CTTN: variants seen among roughly 807,000 people sequenced by gnomAD.
The protein encoded by CTTN is src substrate cortactin.
CTTN carries 28 observed loss-of-function variants against 84.0 expected under a neutral mutation model. The observed-to-expected ratio is 0.33, with a 90% CI of 0.25 to 0.46. CTTN has a LOEUF of 0.46. CTTN is among the 20% of genes least tolerant of loss of function. The pLI is 1.00. For missense variants in CTTN, 641 were observed against 723.8 expected, an observed-to-expected ratio of 0.89 and a Z score of 1.31; for synonymous variants, 301 against 288.8, an observed-to-expected ratio of 1.04 and a Z score of -0.43.
chr11:70,428,253 C>T (rs985283039), intron 13 of CTTN, among the ~76,000 whole-genome samples: 1 of 149,922 alleles, frequency 6.7e-6, no homozygotes, highest in African/African-American at 2.5e-5. Flanking sequence ...GCAACCCCTG[C>T]CTCCCAGGTT....
chr11:70,412,716 C>T (rs1409467464), intron 5 of CTTN, among the ~76,000 whole-genome samples: 2 of 152,192 alleles, frequency 1.3e-5, no homozygotes, highest in East Asian at 3.9e-4. Context: ...AGGCTTCCTT[C>T]TTGATCCCTT....
rs1453550089 is a variant in CTTN at position 70,407,347 on chromosome 11, C to G, written c.50C>G (p.Ala17Gly). 1 of 1,566,954 alleles carries G rather than the reference C, an allele frequency of 6.4e-7. No homozygotes were observed. ...GHAVSIAQDD[A>G]GADDWETDPD... ...GCTGTGTCCATCGCCCAGGATGACG[C>G]GGGGGCCGATGACTGGGAGACCGAC... The change falls in exon 3 of 18, where the codon GCG becomes GGG. Residue 17 changes from alanine (A) to glycine (G), a missense_variant. Physicochemically the swap from Ala to Gly is moderately conservative, Grantham distance 60. This residue lies in a region of CTTN where 284 missense variants were observed against 348.4 expected (regional missense o/e 0.82). Transcript: ENST00000301843.
At position 70,435,565 on chromosome 11, in the gene CTTN, G is replaced by T. The variant is rs2058408596; in HGVS notation, c.*403G>T. On this transcript the variant is annotated 3_prime_UTR_variant, in exon 18 of 18. Coordinates refer to ENST00000301843, the MANE Select transcript of CTTN (RefSeq NM_005231.4). Reference sequence around the variant, plus strand: ...AAGCACGAGGCCTCAGGTCGGCCCTGTGGCGGGTAGGCAGGAAGGACTGTC... The same window carrying T: ...AAGCACGAGGCCTCAGGTCGGCCCTTTGGCGGGTAGGCAGGAAGGACTGTC... 1.3e-6 allele frequency: 2 copies of T among 1,562,268 alleles called. No individual in the cohort carries two copies. Among genetic ancestry groups the T allele is most frequent in the Non-Finnish European group, 1.7e-6 (2 of 1,160,556 alleles).
At chr11:70,417,628 C>A (rs1052680656) in intron 8 of CTTN, among the ~76,000 whole-genome samples, 2 of 152,050 alleles carry the variant, frequency 1.3e-5, no homozygotes, top group Non-Finnish European at 2.9e-5. Context: ...CCCGGCTAGC[C>A]GGGATTACAA....
chr11:70,426,586 AT>A (rs755141829), intron 13 of CTTN, among the ~76,000 whole-genome samples: 228 of 142,664 alleles, frequency 1.6e-3, no homozygotes, highest in African/African-American at 1.9e-3. Context: ...GCCCAGTTAA[AT>A]TTTTTTTTTT....
chr11:70,402,664 G>T (rs535478192), intron 1 of CTTN, among the ~76,000 whole-genome samples: 1 of 152,200 alleles, frequency 6.6e-6, no homozygotes, highest in South Asian at 2.1e-4. Context: ...TGTCACTGCT[G>T]GATCCTCTTT....
intron 10 of CTTN, among the ~76,000 whole-genome samples, chr11:70,421,040 GC>G (rs1203754411): frequency 1.3e-5 from 2 of 152,234 alleles, no homozygotes; most frequent in African/African-American, 2.4e-5. Flanking sequence ...GCCTGAGGGG[GC>G]TGAAAGCCTC....
intron 1 of CTTN, among the ~76,000 whole-genome samples, chr11:70,402,795 G>A (rs539123928): frequency 6.6e-6 from 1 of 152,166 alleles, no homozygotes; most frequent in Non-Finnish European, 1.5e-5. Flanking sequence ...GAACACTCAC[G>A]CACAAGTTTT....
At position 70,429,206 on chromosome 11, in the gene CTTN, G is replaced by T; in HGVS notation, c.1176+7G>T. ...GGCCAGGAGGAAGCTGGAGGTGAGT[G>T]GCAAGGAGTGGGCCGCAGCGCACCC... On this transcript the variant is annotated splice_region_variant and intron_variant, in intron 14 of 17. Transcript: ENST00000301843. 1 of 1,609,932 alleles carries T rather than the reference G, an allele frequency of 6.2e-7. No individual in the cohort carries two copies. The highest frequency in any genetic ancestry group is 8.5e-7 in the Non-Finnish European group (1 of 1,178,492).
intron 7 of CTTN, 73 bp from the exon 8 acceptor site, chr11:70,416,940 T>G (rs1464704097): frequency 9.6e-7 from 1 of 1,045,078 alleles, no homozygotes; most frequent in Non-Finnish European, 1.5e-6. Flanking sequence ...TACACACTTT[T>G]GCTTAGTTTA....
intron 6 of CTTN, 103 bp downstream of exon 6, chr11:70,414,755 C>A: frequency 1.2e-6 from 1 of 802,416 alleles, no homozygotes; most frequent in Non-Finnish European, 2.1e-6. Flanking sequence ...CAGGTGCCCT[C>A]CAGCTCTGGG....
intron 1 of CTTN, among the ~76,000 whole-genome samples, chr11:70,404,257 A>G (rs529611634): frequency 6.6e-6 from 1 of 152,172 alleles, no homozygotes; most frequent in African/African-American, 2.4e-5. Flanking sequence ...TGCGTGAGAA[A>G]CCACTCTGCC....
intron 1 of CTTN, among the ~76,000 whole-genome samples, chr11:70,402,156 GAAA>G (rs367543854): frequency 6.6e-6 from 1 of 151,108 alleles, no homozygotes; most frequent in Admixed American, 6.6e-5. Flanking sequence ...GTCTGAAAAA[GAAA>G]AAAAAAGTTA....
intron 6 of CTTN, among the ~76,000 whole-genome samples, chr11:70,414,997 G>C (rs1565491653): frequency 6.6e-6 from 1 of 152,186 alleles, no homozygotes; most frequent in South Asian, 2.1e-4. Flanking sequence ...CCTATACCGG[G>C]GGGGCAGGAT....
chr11:70,428,947 G>A, intron 13 of CTTN, 104 bp from the exon 14 acceptor site: 3 of 1,391,896 alleles, frequency 2.2e-6, no homozygotes, highest in Middle Eastern at 2.1e-4. Context: ...GGGTTAGGGG[G>A]ATGACCGGTT....
Position 70,435,794 on chromosome 11 carries a change from G to C in CTTN, c.*632G>C, listed in dbSNP as rs777132341. 1.3e-6 allele frequency: 2 copies of C among 1,580,840 alleles called. No individual in the cohort carries two copies. Among genetic ancestry groups the C allele is most frequent in the Admixed American group, 1.7e-5 (1 of 57,922 alleles). On this transcript the variant is annotated 3_prime_UTR_variant, in exon 18 of 18. Transcript: ENST00000301843. The stretch of plus-strand genomic sequence containing the variant: ...TTTTTTCCTGTGCCCACTCCGGCTT[G>C]TCCTCATCTCTACCCATCCCCTGAT...
intron 1 of CTTN, among the ~76,000 whole-genome samples, chr11:70,399,133 G>T (rs1403145284): frequency 6.6e-6 from 1 of 150,850 alleles, no homozygotes; most frequent in Non-Finnish European, 1.5e-5. Context: ...CAAGGAAGGT[G>T]GGTGTGGGGG....
rs2058419389 is a variant in CTTN, at chr11:70,436,551, T to C, written c.*1389T>C. On this transcript the variant is annotated 3_prime_UTR_variant, in exon 18 of 18. Transcript: ENST00000301843. Reference sequence around the variant, plus strand: ...GGTATGATTTTTTTAAATTAAAGAATTCAGAATAAACATTTTTTGATCCAC... The same window carrying C: ...GGTATGATTTTTTTAAATTAAAGAACTCAGAATAAACATTTTTTGATCCAC... 2 of 744,004 alleles carry C rather than the reference T, an allele frequency of 2.7e-6. No individual in the cohort carries two copies. The highest frequency in any genetic ancestry group is 4.4e-6 in the Non-Finnish European group (2 of 455,098). 46.1% of individuals were successfully genotyped at this position (744,004 alleles called of 1,614,324 possible). A position where few individuals can be genotyped will look rare whatever the true frequency, so the allele number is the denominator to read the frequency against.
At chr11:70,411,008 G>A (rs1424001122) in intron 5 of CTTN, among the ~76,000 whole-genome samples, 1 of 152,074 alleles carries the variant, frequency 6.6e-6, no homozygotes, top group Non-Finnish European at 1.5e-5. Context: ...GTGGGGTGAG[G>A]GACCTTCTGC....
Sources: allele counts gnomAD v4.1 joint callset (sites outside exome capture counted in the v4.1 genomes callset), GRCh38; gene constraint gnomAD v4.1.1; regional missense constraint gnomAD v4.1.1; transcripts MANE v1.5; gene names NCBI Gene and HGNC (gene_info 2026-07-23, HGNC 2026-07-21).